Variants in ANO2 observed in about 807,000 individuals in gnomAD.
The protein encoded by ANO2 is anoctamin 2, also known as anoctamin-2.
ANO2 carries 101 observed loss-of-function variants against 124.2 expected under a neutral mutation model. The observed-to-expected ratio is 0.81, with a 90% CI of 0.69 to 0.96. The LOEUF is 0.96. ANO2 is among the 40% of genes least tolerant of loss of function. The pLI, the probability that ANO2 is intolerant of heterozygous loss-of-function variation, is 0.00. For missense variants in ANO2, 1,293 were observed against 1,274.5 expected, an observed-to-expected ratio of 1.01 and a Z score of -0.22; for synonymous variants, 486 against 482.5, an observed-to-expected ratio of 1.01 and a Z score of -0.09.
At position 5,744,178 on chromosome 12, in the gene ANO2, A is replaced by C; in HGVS notation, c.1330T>G (p.Ser444Ala). The C allele has an allele frequency of 6.2e-7, 1 of 1,613,204 alleles. No individual in the cohort carries two copies. Among genetic ancestry groups the C allele is most frequent in the East Asian group, 2.2e-5 (1 of 44,880 alleles). The stretch of plus-strand genomic sequence containing the variant: ...ATACCCCACAGAGCCATGAAGATAG[A>C]GAAGAAGACGGTGGCAGGGTTGTCA... The part of the protein sequence containing the change: ...LFDNPATVFF[S>A]IFMALWATMF... The change falls in exon 12 of 25, where the codon TCT (serine) becomes GCT (alanine). Residue 444 changes from serine (S) to alanine (A), a missense_variant. Coordinates refer to ENST00000682330, the MANE Select transcript of ANO2 (RefSeq NM_001364791.2).
At chr12:5,628,667 A>AGTGT (rs72150450) in intron 16 of ANO2, among the ~76,000 whole-genome samples, 153 of 150,912 alleles carry the variant, frequency 1.0e-3, no homozygotes, top group Admixed American at 3.0e-3. Flanking sequence ...GTAAGCAGAG[A>AGTGT]GTGTGTGTGT....
rs746825985 is a variant in ANO2, at chr12:5,922,712, T to C, written c.115A>G (p.Lys39Glu). The change falls in exon 2 of 25, where the codon AAG becomes GAG. Residue 39 changes from lysine to glutamate, a missense_variant. Coordinates refer to ENST00000682330, the MANE Select transcript of ANO2 (RefSeq NM_001364791.2). ...QGPKHGQQCLKMPGPRAPGLQ... is the reference protein window; with the variant it reads ...QGPKHGQQCLEMPGPRAPGLQ... ...CCTGGGGCCCGGGGACCTGGCATCT[T>C]GAGACACTGCTGTCCATGTTTGGGG... 1 of 1,599,160 alleles carries C rather than the reference T, an allele frequency of 6.3e-7. No individual in the cohort carries two copies. The highest frequency in any genetic ancestry group is 8.5e-7 in the Non-Finnish European group (1 of 1,174,240).
rs919029935 is a variant in ANO2 at position 5,739,212 on chromosome 12, T to C, written c.1434+105A>G. The C allele has an allele frequency of 9.9e-6, 11 of 1,116,584 alleles. No individual in the cohort carries two copies. The South Asian group carries it at 1.5e-4, about 15-fold the overall frequency. The allele number at this position is 1,116,584 out of a possible 1,614,324, so 69.2% of individuals were successfully genotyped here. A position where few individuals can be genotyped will look rare whatever the true frequency, so the allele number is the denominator to read the frequency against. On this transcript the variant is annotated intron_variant, in intron 13 of 24. Transcript: ENST00000682330. ...GGCAGCCACTGTGAGATCCAGCCAG[T>C]GACAGCAAACATACATGGTTATCTC...
intron 16 of ANO2, among the ~76,000 whole-genome samples, chr12:5,621,026 T>A (rs2885313): frequency 0.32 from 49,269 of 151,816 alleles, 8,427 homozygotes; most frequent in East Asian, 0.48. Context: ...TGATTCTCAT[T>A]CCCCTTAACT....
At chr12:5,912,171 C>T (rs554052591) in intron 3 of ANO2, among the ~76,000 whole-genome samples, 1 of 152,298 alleles carries the variant, frequency 6.6e-6, no homozygotes, top group South Asian at 2.1e-4. Flanking sequence ...CAGCTCCCTT[C>T]CTCCTCCGTG....
intron 11 of ANO2, among the ~76,000 whole-genome samples, chr12:5,750,582 G>A (rs1408853192): frequency 1.3e-5 from 2 of 152,228 alleles, no homozygotes; most frequent in Non-Finnish European, 1.5e-5. Flanking sequence ...GCCCACATCA[G>A]ACACATCCCC....
At chr12:5,765,448 A>C (rs1441550971) in intron 10 of ANO2, among the ~76,000 whole-genome samples, 1 of 152,016 alleles carries the variant, frequency 6.6e-6, no homozygotes, top group Non-Finnish European at 1.5e-5. Context: ...GAAAAAAAAA[A>C]TTGTATAACT....
chr12:5,826,714 G>T (rs538679562), intron 7 of ANO2, among the ~76,000 whole-genome samples: 12 of 152,118 alleles, frequency 7.9e-5, no homozygotes, highest in African/African-American at 2.9e-4. Context: ...GACTATCATG[G>T]CATAAAACCC....
Position 5,921,212 on chromosome 12 carries a change from T to C in ANO2, c.362A>G (p.His121Arg), listed in dbSNP as rs1591794441. 5 of 1,613,724 alleles carry C rather than the reference T, an allele frequency of 3.1e-6. No homozygotes were observed. Among genetic ancestry groups the C allele is most frequent in the Non-Finnish European group, 4.2e-6 (5 of 1,179,822 alleles). Reference protein sequence around the residue: ...GVHLAQGFPGHSLAIVSNGET... With the variant: ...GVHLAQGFPGRSLAIVSNGET... ...CCCATTGGAGACGATAGCCAGCGAG[T>C]GGCCAGGGAAGCCTTGGGCCAGGTG... Residue 121 changes from histidine to arginine, a missense_variant, in exon 3 of 25, where the codon CAC (histidine) becomes CGC (arginine). His to Arg is a conservative substitution (Grantham distance 29). Coordinates refer to ENST00000682330, the MANE Select transcript of ANO2 (RefSeq NM_001364791.2).
rs980796916 is a variant in ANO2, at chr12:5,654,118, T to C, written c.1546-6317A>G. 2.2e-4 allele frequency among the ~76,000 whole-genome samples: 33 copies of C among 152,170 alleles called. 1 individual carries two copies. Among genetic ancestry groups the C allele is most frequent in the Admixed American group, 2.2e-3 (33 of 15,280 alleles). ...CAGAATGAGACTTCTAACTAGCAGA[T>C]AGCAAGTCATCTGATAGTAGGCTGG... On this transcript the variant is annotated intron_variant, in intron 14 of 24. Coordinates refer to ENST00000682330, the MANE Select transcript of ANO2 (RefSeq NM_001364791.2).
chr12:5,748,618 G>A (rs17788593), intron 11 of ANO2, among the ~76,000 whole-genome samples: 17,219 of 151,890 alleles, frequency 0.11, 1,057 homozygotes, highest in Admixed American at 0.17. Flanking sequence ...GCCTGTTTAC[G>A]GCGTGTATAA....
intron 10 of ANO2, among the ~76,000 whole-genome samples, chr12:5,782,715 T>C (rs150381124): frequency 1.5e-4 from 23 of 152,300 alleles, no homozygotes; most frequent in Middle Eastern, 3.4e-3. Context: ...CTGGGAGCCA[T>C]TGCTTTAACC....
At chr12:5,853,099 C>T (rs1329257394) in intron 4 of ANO2, among the ~76,000 whole-genome samples, 1 of 151,280 alleles carries the variant, frequency 6.6e-6, no homozygotes, top group Non-Finnish European at 1.5e-5. Flanking sequence ...TGCTTCCTTT[C>T]TCTTTGGAGC....
At chr12:5,721,537 G>A (rs1226156197) in intron 14 of ANO2, among the ~76,000 whole-genome samples, 2 of 149,550 alleles carry the variant, frequency 1.3e-5, no homozygotes, top group East Asian at 2.0e-4. Context: ...GCAGAGACTC[G>A]CTTTGTCACC....
At chr12:5,863,118 A>T (rs1460285673) in intron 3 of ANO2, among the ~76,000 whole-genome samples, 1 of 151,980 alleles carries the variant, frequency 6.6e-6, no homozygotes, top group Non-Finnish European at 1.5e-5. Context: ...GAGTCCATTA[A>T]ACCTCTTTTT....
intron 9 of ANO2, among the ~76,000 whole-genome samples, chr12:5,801,490 C>T (rs752442637): frequency 1.3e-5 from 2 of 152,216 alleles, no homozygotes; most frequent in African/African-American, 2.4e-5. Context: ...TAATCAGGTA[C>T]TTCGGAAGCC....
intron 6 of ANO2, among the ~76,000 whole-genome samples, chr12:5,830,155 C>T (rs551937348): frequency 3.9e-5 from 6 of 152,240 alleles, no homozygotes; most frequent in South Asian, 2.1e-4. Flanking sequence ...AACTAACACC[C>T]GCACCAACTA....
At chr12:5,844,953 ATTTTTTT>A (rs5796194) in intron 4 of ANO2, among the ~76,000 whole-genome samples, 2 of 138,236 alleles carry the variant, frequency 1.4e-5, no homozygotes, top group African/African-American at 2.7e-5. Context: ...CAACCATGAA[ATTTTTTT>A]TTTTTTTTTT....
At chr12:5,796,513 G>A (rs1031874502) in intron 10 of ANO2, among the ~76,000 whole-genome samples, 8 of 150,318 alleles carry the variant, frequency 5.3e-5, no homozygotes, top group African/African-American at 1.5e-4. Context: ...ACTCTCACAC[G>A]AACACATTCT....
Sources: gnomAD v4.1 joint callset for allele counts (sites outside exome capture counted in the v4.1 genomes callset) on GRCh38, gnomAD v4.1.1 for gene constraint, MANE v1.5 for transcripts, NCBI Gene and HGNC (gene_info 2026-07-23, HGNC 2026-07-21) for gene names.